Variants in FHIT observed in about 807,000 individuals in gnomAD.
The protein encoded by FHIT is bis(5'-adenosyl)-triphosphatase.
A neutral mutation model predicts 17.9 loss-of-function variants in FHIT; 19 were observed. That is an observed-to-expected ratio of 1.06 (90% CI 0.74 to 1.56). The LOEUF (loss-of-function observed/expected upper bound fraction) is 1.56. FHIT is among the 40% of genes most tolerant of loss of function. The pLI is 0.00. For synonymous variants in FHIT, 81 were observed against 69.7 expected (o/e 1.16, Z -0.81); for missense variants, 248 against 189.2 (o/e 1.31, Z -1.82).
At chr3:60,814,653 T>C (rs565963002) in intron 4 of FHIT, among the ~76,000 whole-genome samples, 6 of 152,318 alleles carry the variant, frequency 3.9e-5, no homozygotes, top group African/African-American at 1.4e-4. Flanking sequence ...TTGTGAATAG[T>C]GCTGTGACAA....
chr3:59,876,763 G>A (rs958007174), intron 8 of FHIT, among the ~76,000 whole-genome samples: 2 of 152,196 alleles, frequency 1.3e-5, no homozygotes, highest in Non-Finnish European at 1.5e-5. Flanking sequence ...CCTACTTTCT[G>A]TTCCCCCTTC....
chr3:61,150,965 A>G (rs2037369981), intron 2 of FHIT, among the ~76,000 whole-genome samples: 1 of 152,212 alleles, frequency 6.6e-6, no homozygotes, highest in Non-Finnish European at 1.5e-5. Context: ...TTTATATTTC[A>G]TTTTACTGCC....
At position 60,003,039 on chromosome 3, in the gene FHIT, T is replaced by C. The variant is rs189595793; in HGVS notation, c.279+8332A>G. Among the ~76,000 whole-genome samples the C allele has an allele frequency of 1.3e-3, 202 of 152,292 alleles. 1 individual carries two copies. The highest frequency in any genetic ancestry group is 4.4e-3 in the Admixed American group (68 of 15,294). On this transcript the variant is annotated intron_variant, in intron 7 of 9. Coordinates refer to ENST00000492590, the MANE Select transcript of FHIT (RefSeq NM_002012.4). ...AGATAATAAAGCAAAGAGAATGAAT[T>C]ATAATAGTCATTTCTTAATGGAAAG...
Position 60,059,337 on chromosome 3 carries a change from A to G in FHIT, c.104-45185T>C, listed in dbSNP as rs1702211302. Among the ~76,000 whole-genome samples the G allele has an allele frequency of 2.6e-5, 4 of 152,298 alleles. 1 individual carries two copies. The South Asian group carries it at 8.3e-4, about 32-fold the overall frequency. On this transcript the variant is annotated intron_variant, in intron 5 of 9. Transcript: ENST00000492590. ...AAGAAAGCCTCAGGTGGGCATACAT[A>G]CAACTTCTTAAACACACTCACATGC... is the stretch of plus-strand genomic sequence containing the variant.
At chr3:60,627,399 T>A (rs2107765073) in intron 4 of FHIT, among the ~76,000 whole-genome samples, 1 of 152,342 alleles carries the variant, frequency 6.6e-6, no homozygotes, top group Non-Finnish European at 1.5e-5. Context: ...TGTTTGTATC[T>A]GTTTAGGAAT....
rs201733411 is a variant in FHIT at position 61,225,227 on chromosome 3, TATTC to T, written c.-212-24566_-212-24563del. 5.0e-3 allele frequency among the ~76,000 whole-genome samples: 769 copies of T among 152,370 alleles called. 4 individuals carry two copies. Among genetic ancestry groups the T allele is most frequent in the African/African-American group, 0.018 (739 of 41,598 alleles). On this transcript the variant is annotated intron_variant, in intron 1 of 9. Coordinates refer to ENST00000492590, the MANE Select transcript of FHIT (RefSeq NM_002012.4). ...AAACATTTTCAGACCACCAGATGCT[TATTC>T]AATTTTGAAAAATCAATTTTTATGG...
At chr3:60,356,545 A>G (rs1699658497) in intron 5 of FHIT, among the ~76,000 whole-genome samples, 1 of 152,150 alleles carries the variant, frequency 6.6e-6, no homozygotes, top group South Asian at 2.1e-4. Context: ...GCTGTGAGTG[A>G]AAGTACTCCA....
intron 5 of FHIT, among the ~76,000 whole-genome samples, chr3:60,261,157 A>T (rs891545065): frequency 2.0e-5 from 3 of 152,022 alleles, no homozygotes; most frequent in Non-Finnish European, 1.5e-5. Context: ...ATTTTGGAAT[A>T]AAAAAAGTAC....
At chr3:60,009,165 A>ATGTGTGTGTGTGTGTGTGTGTG (rs753809976) in intron 7 of FHIT, among the ~76,000 whole-genome samples, 1 of 54,100 alleles carries the variant, frequency 1.8e-5, no homozygotes, top group African/African-American at 5.2e-5. Context: ...CTGGGATTTT[A>ATGTGTGTGTGTGTGTGTGTGTG]TGTGTGTGTG....
At chr3:61,010,610 G>A (rs2031736616) in intron 3 of FHIT, among the ~76,000 whole-genome samples, 1 of 152,168 alleles carries the variant, frequency 6.6e-6, no homozygotes, top group Non-Finnish European at 1.5e-5. Context: ...GATGGCCAAG[G>A]AAGATACTGT....
At chr3:59,857,710 T>TTTTTTTTG (rs1553697990) in intron 8 of FHIT, among the ~76,000 whole-genome samples, 5 of 132,572 alleles carry the variant, frequency 3.8e-5, no homozygotes, top group South Asian at 2.3e-4. Context: ...GCTGGGTTTT[T>TTTTTTTTG]TTTTTTTTTT....
At chr3:60,555,590 C>A (rs1385884371) in intron 4 of FHIT, among the ~76,000 whole-genome samples, 4 of 152,304 alleles carry the variant, frequency 2.6e-5, no homozygotes, top group East Asian at 3.9e-4. Flanking sequence ...GCAGTTTTCT[C>A]TTCATCGTTT....
chr3:59,864,232 G>A (rs777560019), intron 8 of FHIT, among the ~76,000 whole-genome samples: 2 of 152,120 alleles, frequency 1.3e-5, no homozygotes, highest in Non-Finnish European at 2.9e-5. Context: ...ACATGCTGTG[G>A]GAGAGACCCA....
intron 3 of FHIT, among the ~76,000 whole-genome samples, chr3:60,918,526 G>A (rs1203103868): frequency 6.6e-6 from 1 of 152,182 alleles, no homozygotes; most frequent in Non-Finnish European, 1.5e-5. Context: ...AGTAGGGCAG[G>A]CAATAAGTGT....
At chr3:60,967,885 C>T (rs1261252663) in intron 3 of FHIT, among the ~76,000 whole-genome samples, 2 of 151,996 alleles carry the variant, frequency 1.3e-5, no homozygotes, top group African/African-American at 4.8e-5. Flanking sequence ...TATTCAAATA[C>T]CATCTATTAA....
At chr3:60,026,565 CAG>C (rs1376493246) in intron 5 of FHIT, among the ~76,000 whole-genome samples, 1 of 152,156 alleles carries the variant, frequency 6.6e-6, no homozygotes, top group African/African-American at 2.4e-5. Context: ...TCACTGGTAG[CAG>C]AGTCTAGGAA....
chr3:59,748,291 T>A lies in FHIT; in HGVS notation c.*1294A>T, dbSNP rs1198720973. Among the ~76,000 whole-genome samples, 1 of 151,982 alleles carries A rather than the reference T, an allele frequency of 6.6e-6. No homozygotes were observed. Among genetic ancestry groups the A allele is most frequent in the Admixed American group, 6.6e-5 (1 of 15,264 alleles). On this transcript the variant is annotated 3_prime_UTR_variant, in exon 10 of 10. Transcript: ENST00000492590. The stretch of plus-strand genomic sequence containing the variant: ...AGGTGGTCCACAAAGATAAGAAAAA[T>A]CATGACAAAATGGGAATGAATGCAA...
intron 3 of FHIT, among the ~76,000 whole-genome samples, chr3:60,873,126 A>AGAGAGG (rs1704484231): frequency 6.9e-6 from 1 of 145,270 alleles, no homozygotes; most frequent in Non-Finnish European, 1.5e-5. Flanking sequence ...CAAGGCAGGG[A>AGAGAGG]GAGAGGGAGA....
intron 1 of FHIT, among the ~76,000 whole-genome samples, chr3:61,250,604 GA>G (rs974935445): frequency 1.1e-4 from 16 of 152,134 alleles, no homozygotes; most frequent in African/African-American, 3.6e-4. Flanking sequence ...AGCCTACAGA[GA>G]AATCTGCAGA....
Sources: gnomAD v4.1 joint callset for allele counts (sites outside exome capture counted in the v4.1 genomes callset) on GRCh38, gnomAD v4.1.1 for gene constraint, MANE v1.5 for transcripts, NCBI Gene and HGNC (gene_info 2026-07-23, HGNC 2026-07-21) for gene names.